SUCLG2: variants seen among roughly 807,000 people sequenced by gnomAD.
SUCLG2 encodes succinate-CoA ligase GDP-forming subunit beta, also known as succinate--CoA ligase [GDP-forming] subunit beta, mitochondrial.
In SUCLG2, 42 loss-of-function variants were observed where a neutral mutation model predicts 47.9. That is an observed-to-expected ratio of 0.88 (90% CI 0.69 to 1.14). The LOEUF is 1.14. Among genes scored for constraint, SUCLG2 ranks in the 50% most tolerant of loss-of-function variants. SUCLG2 has a pLI of 0.00. For synonymous variants in SUCLG2, 195 were observed against 197.3 expected, an observed-to-expected ratio of 0.99 and a Z score of 0.10; for missense variants, 571 against 525.9, an observed-to-expected ratio of 1.09 and a Z score of -0.84.
intron 9 of SUCLG2, among the ~76,000 whole-genome samples, chr3:67,418,697 C>T (rs992882153): frequency 2.6e-5 from 4 of 152,152 alleles, no homozygotes; most frequent in Non-Finnish European, 4.4e-5. Context: ...AGTCCCTGAG[C>T]CCTGCTTCCA....
intron 7 of SUCLG2, among the ~76,000 whole-genome samples, chr3:67,498,818 G>T (rs370820110): frequency 6.6e-6 from 1 of 152,038 alleles, no homozygotes; most frequent in Non-Finnish European, 1.5e-5. Context: ...AGAATCGCTC[G>T]ATTTTTATTT....
intron 1 of SUCLG2, among the ~76,000 whole-genome samples, chr3:67,620,903 C>T (rs1001941892): frequency 6.6e-6 from 1 of 152,198 alleles, no homozygotes; most frequent in Admixed American, 6.5e-5. Context: ...AGAGTTTAGA[C>T]TTCATTCACT....
At chr3:67,363,288 A>C (rs764561212) in intron 10 of SUCLG2, among the ~76,000 whole-genome samples, 107 of 152,378 alleles carry the variant, frequency 7.0e-4, no homozygotes, top group Non-Finnish European at 1.1e-3. Context: ...TAGAACCTCC[A>C]TAGTTATTAA....
At chr3:67,598,101 C>T (rs928461232) in intron 2 of SUCLG2, among the ~76,000 whole-genome samples, 4 of 151,984 alleles carry the variant, frequency 2.6e-5, no homozygotes, top group African/African-American at 7.2e-5. Flanking sequence ...CTGCCTCAGC[C>T]TCCTGAGTAG....
intron 6 of SUCLG2, among the ~76,000 whole-genome samples, chr3:67,513,437 T>A (rs1705851893): frequency 6.6e-6 from 1 of 152,240 alleles, no homozygotes; most frequent in Non-Finnish European, 1.5e-5. Context: ...GACTAAAACA[T>A]AATCTGATCT....
chr3:67,422,795 G>C (rs372546263), intron 9 of SUCLG2, among the ~76,000 whole-genome samples: 1 of 152,180 alleles, frequency 6.6e-6, no homozygotes, highest in East Asian at 1.9e-4. Context: ...CTTACTAAAG[G>C]GTGGGCAACT....
intron 2 of SUCLG2, among the ~76,000 whole-genome samples, chr3:67,532,816 C>T (rs1188200940): frequency 3.9e-5 from 6 of 152,084 alleles, no homozygotes; most frequent in Non-Finnish European, 8.8e-5. Flanking sequence ...TTTTTTTAGT[C>T]TATCAGCTGA....
chr3:67,378,924 G>C (rs530238470), intron 10 of SUCLG2, among the ~76,000 whole-genome samples: 2 of 152,232 alleles, frequency 1.3e-5, no homozygotes, highest in South Asian at 4.1e-4. Flanking sequence ...CCAGTCTTTG[G>C]ACCAGAAGGT....
intron 1 of SUCLG2, among the ~76,000 whole-genome samples, chr3:67,643,976 T>C (rs1701147349): frequency 6.6e-6 from 1 of 152,290 alleles, no homozygotes. Context: ...CGCCTAATAG[T>C]GGGCCTAATA....
rs59229379 is a variant in SUCLG2 at position 67,495,442 on chromosome 3, A to G, written c.1062+356T>C. 6.8e-3 allele frequency among the ~76,000 whole-genome samples: 1,036 copies of G among 152,066 alleles called. 17 individuals are homozygous for G. The highest frequency in any genetic ancestry group is 0.024 in the African/African-American group (998 of 41,514). On this transcript the variant is annotated intron_variant, in intron 9 of 10. Transcript: ENST00000307227. ...GGCCTAGGCGGGCAGACCACGAGGT[A>G]GGGAGTTTGAGACCAGCCTGGCCAA...
intron 2 of SUCLG2, among the ~76,000 whole-genome samples, chr3:67,560,496 A>C (rs1342128588): frequency 6.6e-6 from 1 of 152,210 alleles, no homozygotes; most frequent in Non-Finnish European, 1.5e-5. Context: ...ACCACTAGCT[A>C]TGCAAGAGAT....
chr3:67,402,568 C>T lies in SUCLG2; in HGVS notation c.1063-1717G>A, dbSNP rs559308790. On this transcript the variant is annotated intron_variant, in intron 9 of 10. Coordinates refer to ENST00000307227, the MANE Select transcript of SUCLG2 (RefSeq NM_003848.4). ...ATGCTGTTAGCATTGAGGCTTGGTA[C>T]AGCAGTAGTTTCCAAATAACTGTAG... Among the ~76,000 whole-genome samples the T allele has an allele frequency of 6.6e-5, 10 of 152,322 alleles. No individual in the cohort carries two copies. In the South Asian group the frequency reaches 2.1e-3, roughly 32 times the overall value.
chr3:67,520,556 C>T lies in SUCLG2; in HGVS notation c.496G>A (p.Val166Met), dbSNP rs13315504. Reference sequence around the variant, plus strand: ...CCCCCCTGGGGGCTGCCCACCAGCACGGGGCCATTGCAGGACCGGTCCATC... The same window carrying T: ...CCCCCCTGGGGGCTGCCCACCAGCATGGGGCCATTGCAGGACCGGTCCATC... Reference protein sequence around the residue: ...ILMDRSCNGPVLVGSPQGGVD... With the variant: ...ILMDRSCNGPMLVGSPQGGVD... The change falls in exon 5 of 11, where the codon GTG (valine) becomes ATG (methionine). Residue 166 changes from valine to methionine, a missense_variant. By Grantham distance (21) the Val-to-Met change is conservative (BLOSUM62 1). Transcript: ENST00000307227. 24 of 1,614,184 alleles carry T rather than the reference C, an allele frequency of 1.5e-5. No individual in the cohort carries two copies. The highest frequency in any genetic ancestry group is 1.3e-4 in the East Asian group (6 of 44,874).
At chr3:67,421,637 G>A (rs1012305146) in intron 9 of SUCLG2, among the ~76,000 whole-genome samples, 2 of 152,080 alleles carry the variant, frequency 1.3e-5, no homozygotes, top group Non-Finnish European at 2.9e-5. Context: ...ATTCCACTAT[G>A]GTATGTTTAT....
At chr3:67,488,627 T>C (rs1186006829) in intron 9 of SUCLG2, among the ~76,000 whole-genome samples, 1 of 152,216 alleles carries the variant, frequency 6.6e-6, no homozygotes, top group Non-Finnish European at 1.5e-5. Context: ...CACATAAGAT[T>C]ATTCTTAAGA....
chr3:67,544,857 T>C (rs952009323), intron 2 of SUCLG2, among the ~76,000 whole-genome samples: 9 of 152,220 alleles, frequency 5.9e-5, no homozygotes, highest in African/African-American at 2.2e-4. Flanking sequence ...AAATTTGCTA[T>C]TTCAGATATT....
In SUCLG2 at chr3:67,387,722, T is replaced by G. The variant is rs1702290868; in HGVS notation, c.1184-11863A>C. Among the ~76,000 whole-genome samples the G allele has an allele frequency of 2.0e-5, 3 of 152,198 alleles. No individual in the cohort carries two copies. In the South Asian group the frequency reaches 6.2e-4, roughly 31 times the overall value. On this transcript the variant is annotated intron_variant, in intron 10 of 10. Coordinates refer to ENST00000307227, the MANE Select transcript of SUCLG2 (RefSeq NM_003848.4). The stretch of plus-strand genomic sequence containing the variant: ...TTCAAGATTATTTTCCTTAATATTC[T>G]CTGCTGATTGCATCAGAGGTCTATC...
At chr3:67,524,373 C>T (rs183994385) in intron 4 of SUCLG2, among the ~76,000 whole-genome samples, 143 of 152,264 alleles carry the variant, frequency 9.4e-4, no homozygotes, top group Non-Finnish European at 1.1e-3. Context: ...GAGATGAGTG[C>T]TAGCGTACAA....
At chr3:67,521,196 T>C (rs771804833) in intron 4 of SUCLG2, among the ~76,000 whole-genome samples, 4 of 152,210 alleles carry the variant, frequency 2.6e-5, no homozygotes, top group Non-Finnish European at 5.9e-5. Flanking sequence ...ACCAAAAATA[T>C]ATAAATGAGA....
Sources: allele counts gnomAD v4.1 joint callset (sites outside exome capture counted in the v4.1 genomes callset), GRCh38; gene constraint gnomAD v4.1.1; transcripts MANE v1.5; gene names NCBI Gene and HGNC (gene_info 2026-07-23, HGNC 2026-07-21).